PLXDC2: variants seen among roughly 807,000 people sequenced by gnomAD.
PLXDC2 encodes the protein plexin domain containing 2, also known as plexin domain-containing protein 2.
In PLXDC2, 40 loss-of-function variants were observed where a neutral mutation model predicts 68.9. The observed-to-expected ratio is 0.58, with a 90% confidence interval of 0.45 to 0.76. The LOEUF (loss-of-function observed/expected upper bound fraction) is 0.76. PLXDC2 is among the 30% of genes least tolerant of loss of function. PLXDC2 has a pLI of 0.00. For synonymous variants in PLXDC2, 243 were observed against 234.2 expected (o/e 1.04, Z -0.34); for missense variants, 644 against 661.9 (o/e 0.97, Z 0.30).
At chr10:20,126,742 A>G (rs1190589950) in intron 4 of PLXDC2, among the ~76,000 whole-genome samples, 1 of 4,654 alleles carries the variant, frequency 2.1e-4, no homozygotes, top group East Asian at 8.9e-3. Flanking sequence ...TATATAGAAC[A>G]CACACGTTAT....
At position 20,140,442 on chromosome 10, in the gene PLXDC2, C is replaced by CTATCTAACTATCTATCT. The variant is rs34794355; in HGVS notation, c.542-2853_542-2852insTATCTAACTATCTATCT. Among the ~76,000 whole-genome samples the CTATCTAACTATCTATCT allele has an allele frequency of 5.9e-3, 859 of 145,410 alleles. 12 individuals are homozygous for CTATCTAACTATCTATCT. The highest frequency in any genetic ancestry group is 0.021 in the African/African-American group (812 of 39,306). ...CTATCTATCTATCTATCTATCTATC[C>CTATCTAACTATCTATCT]GTCTAATCTTTAGCTGGGAATGCCC... On this transcript the variant is annotated intron_variant, in intron 4 of 13. Transcript: ENST00000377252.
chr10:19,954,642 T>C (rs575308207), intron 1 of PLXDC2, among the ~76,000 whole-genome samples: 4 of 152,218 alleles, frequency 2.6e-5, no homozygotes, highest in African/African-American at 4.8e-5. Flanking sequence ...ACTAAAAAAC[T>C]ATTATATTGG....
At chr10:20,033,766 A>G (rs1165983685) in intron 2 of PLXDC2, among the ~76,000 whole-genome samples, 1 of 152,144 alleles carries the variant, frequency 6.6e-6, no homozygotes, top group East Asian at 1.9e-4. Flanking sequence ...GAATTATGGG[A>G]GCTACAACTG....
chr10:19,922,881 T>C (rs1833483248), intron 1 of PLXDC2, among the ~76,000 whole-genome samples: 1 of 152,210 alleles, frequency 6.6e-6, no homozygotes, highest in Admixed American at 6.5e-5. Context: ...ACCAAGCATT[T>C]TTGAGGGTTG....
At chr10:20,230,701 A>AAAAAAAAAAAAAAAAAAAAAAAAAC in intron 12 of PLXDC2, among the ~76,000 whole-genome samples, 1 of 149,316 alleles carries the variant, frequency 6.7e-6, no homozygotes, top group Non-Finnish European at 1.5e-5. Context: ...CTCAAAAAAA[A>AAAAAAAAAAAAAAAAAAAAAAAAAC]AAAAAAAAAA....
At chr10:20,163,215 G>T (rs562858017) in intron 6 of PLXDC2, among the ~76,000 whole-genome samples, 124 of 152,158 alleles carry the variant, frequency 8.1e-4, no homozygotes, top group African/African-American at 2.9e-3. Context: ...CTTTAACGTT[G>T]TTTAAGAGAG....
intron 1 of PLXDC2, among the ~76,000 whole-genome samples, chr10:19,848,928 A>G (rs1386061692): frequency 6.6e-6 from 1 of 152,188 alleles, no homozygotes; most frequent in African/African-American, 2.4e-5. Flanking sequence ...GATACAAAAA[A>G]GTTTTTCACT....
At chr10:19,907,930 C>G (rs966388737) in intron 1 of PLXDC2, among the ~76,000 whole-genome samples, 4 of 152,172 alleles carry the variant, frequency 2.6e-5, no homozygotes, top group Non-Finnish European at 4.4e-5. Flanking sequence ...CAGACCCTCA[C>G]TGGTACCACA....
At chr10:20,030,639 A>G (rs1340580495) in intron 2 of PLXDC2, among the ~76,000 whole-genome samples, 1 of 152,168 alleles carries the variant, frequency 6.6e-6, no homozygotes, top group Non-Finnish European at 1.5e-5. Context: ...TTATGTAAAT[A>G]AAGGGTCAAA....
chr10:20,067,582 G>A (rs1258838842), intron 3 of PLXDC2, among the ~76,000 whole-genome samples: 1 of 151,916 alleles, frequency 6.6e-6, no homozygotes, highest in Non-Finnish European at 1.5e-5. Flanking sequence ...AGCTACTTGG[G>A]AGGTTGAGGC....
At chr10:20,137,993 AG>A (rs1351640012) in intron 4 of PLXDC2, among the ~76,000 whole-genome samples, 2 of 152,214 alleles carry the variant, frequency 1.3e-5, no homozygotes, top group Non-Finnish European at 2.9e-5. Context: ...GGAAAGGCTC[AG>A]TCCACCTGTG....
chr10:20,004,338 C>G (rs1201433670), intron 2 of PLXDC2, among the ~76,000 whole-genome samples: 2 of 152,166 alleles, frequency 1.3e-5, no homozygotes, highest in African/African-American at 4.8e-5. Flanking sequence ...GAGCAGAAGT[C>G]TTATGATATC....
chr10:19,991,650 A>G (rs892773753), intron 1 of PLXDC2, among the ~76,000 whole-genome samples: 64 of 152,302 alleles, frequency 4.2e-4, no homozygotes, highest in Non-Finnish European at 3.8e-4. Context: ...ATGTTGCACC[A>G]TTATGGATTC....
chr10:19,972,668 G>T (rs1361187872), intron 1 of PLXDC2, among the ~76,000 whole-genome samples: 1 of 152,154 alleles, frequency 6.6e-6, no homozygotes, highest in Non-Finnish European at 1.5e-5. Context: ...GATGTATCTG[G>T]CAATCATGAC....
rs1437207118 is a variant in PLXDC2, at chr10:20,044,203, C to T, written c.325-2666C>T. Among the ~76,000 whole-genome samples, 176 of 131,304 alleles carry T rather than the reference C, an allele frequency of 1.3e-3. 7 individuals carry two copies. Among genetic ancestry groups the T allele is most frequent in the African/African-American group, 5.0e-3 (163 of 32,850 alleles). 86.1% of individuals were successfully genotyped at this position (131,304 alleles called of 152,430 possible). On this transcript the variant is annotated intron_variant, in intron 2 of 13. Coordinates refer to ENST00000377252, the MANE Select transcript of PLXDC2 (RefSeq NM_032812.9). ...CTTCTTTCTTTCTTTCTCTCTCTCT[C>T]TCTCTCTGTCTTTCTTTCTTTCTTT...
intron 4 of PLXDC2, among the ~76,000 whole-genome samples, chr10:20,134,223 A>C (rs1833904891): frequency 6.6e-6 from 1 of 152,134 alleles, no homozygotes; most frequent in African/African-American, 2.4e-5. Context: ...CAATTCTTTG[A>C]GGCCTGTTAT....
intron 7 of PLXDC2, among the ~76,000 whole-genome samples, chr10:20,171,960 G>C (rs1834452502): frequency 6.6e-6 from 1 of 152,086 alleles, no homozygotes; most frequent in African/African-American, 2.4e-5. Flanking sequence ...GGAGCAGGGA[G>C]AGGGTTTGGG....
chr10:20,250,862 GATA>G (rs1398683295), intron 13 of PLXDC2, among the ~76,000 whole-genome samples: 1 of 152,170 alleles, frequency 6.6e-6, no homozygotes, highest in African/African-American at 2.4e-5. Context: ...TTTTAGTGAT[GATA>G]ATGTCAGTGG....
intron 1 of PLXDC2, among the ~76,000 whole-genome samples, chr10:19,885,381 G>T (rs1034803887): frequency 6.6e-5 from 10 of 151,866 alleles, no homozygotes; most frequent in South Asian, 2.1e-4. Context: ...GTCAATTTTG[G>T]CTTTTGTTGC....
Sources: allele counts gnomAD v4.1 joint callset (sites outside exome capture counted in the v4.1 genomes callset), GRCh38; gene constraint gnomAD v4.1.1; transcripts MANE v1.5; gene names NCBI Gene and HGNC (gene_info 2026-07-23, HGNC 2026-07-21).